Variants in SLC25A25 observed in about 807,000 individuals in gnomAD.
SLC25A25 encodes the protein mitochondrial adenyl nucleotide antiporter SLC25A25.
Under a neutral mutation model 57.7 loss-of-function variants are expected in SLC25A25, and 32 were observed. The ratio of observed to expected loss-of-function variants is 0.55; its 90% CI spans 0.42 to 0.74. The LOEUF (loss-of-function observed/expected upper bound fraction) is 0.74. Among genes scored for constraint, SLC25A25 ranks in the 30% least tolerant of loss-of-function variants. The pLI, the probability that SLC25A25 is intolerant of heterozygous loss-of-function variation, is 0.00. For synonymous variants in SLC25A25, 306 were observed against 291.2 expected (o/e 1.05, Z -0.52); for missense variants, 556 against 701.3 (o/e 0.79, Z 2.34).
Position 128,101,470 on chromosome 9 carries a change from C to T in SLC25A25, c.476+74C>T, listed in dbSNP as rs537655822. On this transcript the variant is annotated intron_variant, in intron 3 of 10. Coordinates refer to ENST00000373069, the MANE Select transcript of SLC25A25 (RefSeq NM_001330988.2). The surrounding 1 kb of genome is among the most constrained non-coding windows in gnomAD (Gnocchi z 4.9). ...AGGCTCTGAGACTAACCCTCCGATG[C>T]CATTCCCTGGGCTGACCCTGAACTT... 658 of 1,522,132 alleles carry T rather than the reference C, an allele frequency of 4.3e-4. 3 individuals carry two copies. The African/African-American group carries it at 7.9e-3, about 18-fold the overall frequency. The allele number at this position is 1,522,132 out of a possible 1,614,324, so 94.3% of individuals were successfully genotyped here. A position where few individuals can be genotyped will look rare whatever the true frequency, so the allele number is the denominator to read the frequency against.
chr9:128,093,383 C>T (rs1411690954), intron 1 of SLC25A25, among the ~76,000 whole-genome samples: 1 of 152,218 alleles, frequency 6.6e-6, no homozygotes, highest in Non-Finnish European at 1.5e-5. Flanking sequence ...TTATTACTAC[C>T]TCGAATGGCC....
chr9:128,085,576 G>A (rs1447816012), intron 1 of SLC25A25, among the ~76,000 whole-genome samples: 1 of 152,106 alleles, frequency 6.6e-6, no homozygotes, highest in African/African-American at 2.4e-5. Flanking sequence ...GATAAATAAG[G>A]CATGATCGCT....
At chr9:128,092,590 G>A (rs950793579) in intron 1 of SLC25A25, among the ~76,000 whole-genome samples, 1 of 152,094 alleles carries the variant, frequency 6.6e-6, no homozygotes, top group African/African-American at 2.4e-5. Flanking sequence ...CATGAGACTG[G>A]GTCCGAGGAG....
At chr9:128,091,707 T>C in intron 1 of SLC25A25, 1 of 1,428,778 alleles carries the variant, frequency 7.0e-7, no homozygotes, top group Non-Finnish European at 9.1e-7. Context: ...ACAGCAGTGC[T>C]AGCACATTTG....
intron 1 of SLC25A25, among the ~76,000 whole-genome samples, chr9:128,098,136 T>C (rs1833620842): frequency 6.6e-6 from 1 of 152,268 alleles, no homozygotes; most frequent in Non-Finnish European, 1.5e-5. Context: ...GAAAAACTGT[T>C]GTGTGACACG....
chr9:128,106,251 A>T lies in SLC25A25; in HGVS notation c.1038A>T (p.Pro346=). ...CCATCGCCCAGAGCAGCATCTACCC[A>T]ATGGAGGTGAGGGGCCGCCTGGGTC... ...AGAIAQSSIY[P]MEVLKTRMAL... is the part of the protein sequence containing the mutation. Residue 346 remains proline (P), a synonymous_variant, in exon 8 of 11, where the codon CCA becomes CCT. Coordinates refer to ENST00000373069, the MANE Select transcript of SLC25A25 (RefSeq NM_001330988.2). 6.2e-7 allele frequency: 1 copy of T among 1,614,034 alleles called. No individual in the cohort carries two copies.
At chr9:128,077,520 A>AAAAAAAAAAAAAAAAAAAAAG in intron 1 of SLC25A25, among the ~76,000 whole-genome samples, 1 of 151,172 alleles carries the variant, frequency 6.6e-6, no homozygotes, top group Non-Finnish European at 1.5e-5. Flanking sequence ...CCGTCTTAAA[A>AAAAAAAAAAAAAAAAAAAAAG]AAAAAAAAAG....
chr9:128,093,607 T>C (rs1400976457), intron 1 of SLC25A25, among the ~76,000 whole-genome samples: 1 of 152,278 alleles, frequency 6.6e-6, no homozygotes, highest in Non-Finnish European at 1.5e-5. Context: ...GGCTGCAAAC[T>C]GGGGGAGCCC....
chr9:128,079,827 T>C lies in SLC25A25; in HGVS notation c.261+11247T>C, dbSNP rs1291920586. ...CCAACATGGTGAAACCCCGTCTCTA[T>C]TAAAAATACAAAAATTAGCCGGGTA... On this transcript the variant is annotated intron_variant, in intron 1 of 10. Transcript: ENST00000373069. 1.1e-4 allele frequency among the ~76,000 whole-genome samples: 16 copies of C among 146,704 alleles called. No individual in the cohort carries two copies. The East Asian group carries it at 3.3e-3, about 30-fold the overall frequency.
chr9:128,103,568 C>T lies in SLC25A25; in HGVS notation c.625-113C>T, dbSNP rs546715765. The T allele has an allele frequency of 2.3e-5, 31 of 1,363,986 alleles. No individual in the cohort carries two copies. In the African/African-American group the frequency reaches 4.2e-4, roughly 18 times the overall value. 84.5% of individuals were successfully genotyped at this position (1,363,986 alleles called of 1,614,324 possible). ...CTTCCCACCCAGAGTCCTTGGCCTT[C>T]TCCCTGTCCTGTGGTCCCTGGCCTG... On this transcript the variant is annotated intron_variant, in intron 5 of 10. Transcript: ENST00000373069. This position sits in a 1 kb window ranked among gnomAD's most constrained non-coding sequence, Gnocchi z 6.7.
chr9:128,108,043 C>A lies in SLC25A25; in HGVS notation c.*599C>A, dbSNP rs767020937. The A allele has an allele frequency of 5.0e-6, 2 of 398,982 alleles. No individual in the cohort carries two copies. The highest frequency in any genetic ancestry group is 8.8e-6 in the Non-Finnish European group (2 of 226,242). The allele number at this position is 398,982 out of a possible 1,614,324, so 24.7% of individuals were successfully genotyped here. On this transcript the variant is annotated 3_prime_UTR_variant, in exon 11 of 11. Transcript: ENST00000373069. ...AAGGATCTGGCCTTGTGGTCACTGGCATCTGAGCCCTGCTGATGGCTGGGG... is the reference window on the plus strand; with the variant it reads ...AAGGATCTGGCCTTGTGGTCACTGGAATCTGAGCCCTGCTGATGGCTGGGG...
Position 128,102,288 on chromosome 9 carries a change from C to A in SLC25A25, c.513-82C>A. 2 of 1,457,392 alleles carry A rather than the reference C, an allele frequency of 1.4e-6. No individual in the cohort carries two copies. Among genetic ancestry groups the A allele is most frequent in the South Asian group, 1.2e-5 (1 of 84,890 alleles). The allele number at this position is 1,457,392 out of a possible 1,614,324, so 90.3% of individuals were successfully genotyped here. ...TGGTTTCTGGGCATCCGAATGCCTGCCCTTGGCTCACTGGGAGGTGGGGGG... is the reference window on the plus strand; with the variant it reads ...TGGTTTCTGGGCATCCGAATGCCTGACCTTGGCTCACTGGGAGGTGGGGGG... On this transcript the variant is annotated intron_variant, in intron 4 of 10. Transcript: ENST00000373069. The surrounding 1 kb of genome is among the most constrained non-coding windows in gnomAD (Gnocchi z 4.1).
At chr9:128,097,842 G>T (rs1833607602) in intron 1 of SLC25A25, among the ~76,000 whole-genome samples, 1 of 152,202 alleles carries the variant, frequency 6.6e-6, no homozygotes, top group South Asian at 2.1e-4. Flanking sequence ...TTGCAGAATG[G>T]CCTGGAAGAG....
chr9:128,104,074 G>T (rs1833917794), intron 6 of SLC25A25, among the ~76,000 whole-genome samples: 1 of 152,194 alleles, frequency 6.6e-6, no homozygotes, highest in Non-Finnish European at 1.5e-5. Context: ...GGGGCATAAT[G>T]TGGACAGGTG....
At chr9:128,092,091 T>TA in intron 1 of SLC25A25, 1 of 1,612,540 alleles carries the variant, frequency 6.2e-7, no homozygotes, top group South Asian at 1.1e-5. Context: ...TTTCCTAAGG[T>TA]AATGTTGGCC....
At chr9:128,094,819 C>G (rs1302610311) in intron 1 of SLC25A25, among the ~76,000 whole-genome samples, 1 of 152,146 alleles carries the variant, frequency 6.6e-6, no homozygotes, top group Non-Finnish European at 1.5e-5. Flanking sequence ...AGAAGATGCT[C>G]AGGAGAGGAA....
Position 128,108,355 on chromosome 9 carries a change from C to T in SLC25A25, c.*911C>T. ...GTTTTGTCCAGAAGGACAAGCCGGA[C>T]AAATGAGCGACTTCTGTGCTTCCAG... On this transcript the variant is annotated 3_prime_UTR_variant, in exon 11 of 11. Coordinates refer to ENST00000373069, the MANE Select transcript of SLC25A25 (RefSeq NM_001330988.2). The T allele has an allele frequency of 2.5e-6, 1 of 398,142 alleles. No individual in the cohort carries two copies. The allele number at this position is 398,142 out of a possible 1,614,324, so 24.7% of individuals were successfully genotyped here.
intron 1 of SLC25A25, among the ~76,000 whole-genome samples, chr9:128,073,970 G>C (rs1009242936): frequency 2.0e-5 from 3 of 152,218 alleles, no homozygotes; most frequent in Non-Finnish European, 4.4e-5. Context: ...CTGGCCTCAA[G>C]TGATCCACCT....
rs1833902929 is a variant in SLC25A25 at position 128,103,781 on chromosome 9, C to T, written c.725C>T (p.Ala242Val). Residue 242 changes from alanine to valine, a missense_variant, in exon 6 of 11, where the codon GCA becomes GTA. Coordinates refer to ENST00000373069, the MANE Select transcript of SLC25A25 (RefSeq NM_001330988.2). This position sits in a 1 kb window ranked among gnomAD's most constrained non-coding sequence, Gnocchi z 6.7. ...AGACACCTGGTGGCAGGAGGTGGGG[C>T]AGGGGCCGTATCCAGAACCTGCACG... ...WWRHLVAGGGAGAVSRTCTAP... is the reference protein window; with the variant it reads ...WWRHLVAGGGVGAVSRTCTAP... 6.2e-7 allele frequency: 1 copy of T among 1,613,540 alleles called. No individual in the cohort carries two copies. Among genetic ancestry groups the T allele is most frequent in the African/African-American group, 1.3e-5 (1 of 74,934 alleles).
Sources: allele counts gnomAD v4.1 joint callset (sites outside exome capture counted in the v4.1 genomes callset), GRCh38; gene constraint gnomAD v4.1.1; non-coding constraint Gnocchi (gnomAD v3.1); transcripts MANE v1.5; gene names NCBI Gene and HGNC (gene_info 2026-07-23, HGNC 2026-07-21).